MYO10: variants seen among roughly 807,000 people sequenced by gnomAD.
MYO10 encodes unconventional myosin-X.
A neutral mutation model predicts 257.3 loss-of-function variants in MYO10; 133 were observed. The observed-to-expected ratio is 0.52, with a 90% CI of 0.45 to 0.60. The LOEUF is 0.60. MYO10 is among the 20% of genes least tolerant of loss of function. The pLI is 0.00. For synonymous variants in MYO10, 1,104 were observed against 1,028.6 expected (o/e 1.07, Z -1.40); for missense variants, 2,399 against 2,635.7 (o/e 0.91, Z 1.97).
At chr5:16,760,750 A>AT (rs1308397727) in intron 17 of MYO10, among the ~76,000 whole-genome samples, 7 of 152,012 alleles carry the variant, frequency 4.6e-5, no homozygotes, top group Admixed American at 2.6e-4. Flanking sequence ...ACTGCTTAAG[A>AT]TATTAAGGTT....
Position 16,701,109 on chromosome 5 carries a change from A to T in MYO10, c.3286T>A (p.Tyr1096Asn). Residue 1096 changes from tyrosine (Y) to asparagine (N), a missense_variant, in exon 25 of 41, where the codon TAT becomes AAT. Physicochemically the swap from Tyr to Asn is moderately radical, Grantham distance 143. This residue lies in a region of MYO10 where 1,820 missense variants were observed against 1,939.4 expected (regional missense o/e 0.94). Coordinates refer to ENST00000513610, the MANE Select transcript of MYO10 (RefSeq NM_012334.3). The surrounding 1 kb of genome is among the most constrained non-coding windows in gnomAD (Gnocchi z 8.1). Reference protein sequence around the residue: ...DGDYDYDQDDYEDGAITSGSS... With the variant: ...DGDYDYDQDDNEDGAITSGSS... ...CCGGAAGTGATGGCACCGTCCTCAT[A>T]GTCATCCTGGTCGTAGTCGTAGTCG... The T allele has an allele frequency of 6.3e-7, 1 of 1,591,624 alleles. No homozygotes were observed. The highest frequency in any genetic ancestry group is 1.1e-5 in the South Asian group (1 of 87,402).
chr5:16,809,076 C>T (rs964763543), intron 3 of MYO10, among the ~76,000 whole-genome samples: 4 of 151,942 alleles, frequency 2.6e-5, no homozygotes, highest in Admixed American at 6.6e-5. Context: ...GCGGCCACTC[C>T]GGAGCATAAA....
intron 1 of MYO10, among the ~76,000 whole-genome samples, chr5:16,878,374 A>G (rs1330973956): frequency 6.6e-6 from 1 of 152,182 alleles, no homozygotes. Flanking sequence ...TACATGAGAC[A>G]CCTAATGAAC....
At chr5:16,711,892 A>G (rs1383856386) in intron 19 of MYO10, among the ~76,000 whole-genome samples, 1 of 152,210 alleles carries the variant, frequency 6.6e-6, no homozygotes, top group African/African-American at 2.4e-5. Context: ...AAAGATAACA[A>G]TAATTCCTTT....
intron 17 of MYO10, among the ~76,000 whole-genome samples, chr5:16,758,547 T>G (rs1740601886): frequency 6.6e-6 from 1 of 152,208 alleles, no homozygotes; most frequent in Admixed American, 6.5e-5. Context: ...TCTCCTCACT[T>G]GCAAAAGTGA....
chr5:16,842,406 T>C (rs113427367), intron 2 of MYO10, among the ~76,000 whole-genome samples: 8,741 of 152,148 alleles, frequency 0.057, 315 homozygotes, highest in South Asian at 0.066. Context: ...AATCAAAGCG[T>C]AGGGGCTCCA....
chr5:16,720,721 T>C (rs1050457001), intron 19 of MYO10, among the ~76,000 whole-genome samples: 1 of 152,148 alleles, frequency 6.6e-6, no homozygotes, highest in African/African-American at 2.4e-5. Flanking sequence ...GCCTCCCAAA[T>C]TGCTGGGATT....
chr5:16,724,858 A>G (rs1422320809), intron 19 of MYO10, among the ~76,000 whole-genome samples: 1 of 152,214 alleles, frequency 6.6e-6, no homozygotes, highest in Non-Finnish European at 1.5e-5. Flanking sequence ...GAGGAAGACC[A>G]TTCGTACTAG....
intron 2 of MYO10, among the ~76,000 whole-genome samples, chr5:16,828,239 C>G (rs1026849071): frequency 1.3e-5 from 2 of 152,078 alleles, no homozygotes; most frequent in Non-Finnish European, 2.9e-5. Context: ...TTGAGTTGCT[C>G]CTCTTTTAAA....
chr5:16,835,769 C>T (rs1485124024), intron 2 of MYO10, among the ~76,000 whole-genome samples: 1 of 145,702 alleles, frequency 6.9e-6, no homozygotes. Flanking sequence ...AGAAAGACCC[C>T]AAAAAAAAGT....
intron 29 of MYO10, among the ~76,000 whole-genome samples, chr5:16,684,175 C>T (rs1737136777): frequency 6.6e-6 from 1 of 152,154 alleles, no homozygotes; most frequent in East Asian, 1.9e-4. Flanking sequence ...TACCTCTTAA[C>T]CTTTCAATAA....
intron 1 of MYO10, among the ~76,000 whole-genome samples, chr5:16,919,100 G>A (rs567099407): frequency 6.6e-6 from 1 of 152,256 alleles, no homozygotes; most frequent in South Asian, 2.1e-4. Context: ...AGAACGGCCA[G>A]GAGTGATAGC....
Position 16,665,298 on chromosome 5 carries a change from C to A in MYO10, c.*1394G>T, listed in dbSNP as rs557351942. ...CTCCTCTGATAAAGGAAACACACAG[C>A]GTGTTAGCTAGTATCTTTTATTGTC... On this transcript the variant is annotated 3_prime_UTR_variant, in exon 41 of 41. Transcript: ENST00000513610. The A allele has an allele frequency of 1.3e-5, 2 of 152,060 alleles. No individual in the cohort carries two copies. The highest frequency in any genetic ancestry group is 3.9e-4 in the East Asian group (2 of 5,174). 9.4% of individuals were successfully genotyped at this position (152,060 alleles called of 1,614,324 possible).
At chr5:16,691,075 C>T (rs2126522847) in intron 27 of MYO10, among the ~76,000 whole-genome samples, 1 of 151,084 alleles carries the variant, frequency 6.6e-6, no homozygotes, top group South Asian at 2.1e-4. Context: ...CGAGACCATC[C>T]TGGCTAACAC....
At position 16,700,993 on chromosome 5, in the gene MYO10, G is replaced by A; in HGVS notation, c.3402C>T (p.Tyr1134=). The change falls in exon 25 of 41, where the codon TAC becomes TAT. Residue 1134 remains tyrosine, a synonymous_variant. Transcript: ENST00000513610. The part of the protein sequence containing the change: ...SVGTYNSSGA[Y]RFSSEGAQSS... Reference sequence around the variant, plus strand: ...ACTGCGCCCCCTCAGAGCTGAACCGGTAGGCACCCGAGCTGTTGTAGGTCC... The same window carrying A: ...ACTGCGCCCCCTCAGAGCTGAACCGATAGGCACCCGAGCTGTTGTAGGTCC... 6.4e-7 allele frequency: 1 copy of A among 1,559,514 alleles called. No individual in the cohort carries two copies.
intron 1 of MYO10, among the ~76,000 whole-genome samples, chr5:16,882,225 G>C (rs963139513): frequency 6.6e-6 from 1 of 152,120 alleles, no homozygotes; most frequent in Non-Finnish European, 1.5e-5. Flanking sequence ...GTTCACAGAG[G>C]TTCCATTTTC....
At chr5:16,707,916 A>G (rs890373285) in intron 21 of MYO10, among the ~76,000 whole-genome samples, 1 of 152,214 alleles carries the variant, frequency 6.6e-6, no homozygotes, top group Admixed American at 6.5e-5. Context: ...TGCCTTCGAC[A>G]CTGGCTAAAC....
intron 1 of MYO10, among the ~76,000 whole-genome samples, chr5:16,935,360 C>T (rs187986486): frequency 3.3e-5 from 5 of 152,286 alleles, no homozygotes; most frequent in Admixed American, 2.0e-4. Context: ...ACAGGAAGCC[C>T]GCACGTTTTG....
intron 33 of MYO10, among the ~76,000 whole-genome samples, chr5:16,676,369 G>C (rs776623316): frequency 1.3e-5 from 2 of 152,132 alleles, no homozygotes; most frequent in Non-Finnish European, 2.9e-5. Flanking sequence ...TCTCGTGCGT[G>C]TACTTCCCCA....
Sources: gnomAD v4.1 joint callset for allele counts (sites outside exome capture counted in the v4.1 genomes callset) on GRCh38, gnomAD v4.1.1 for gene constraint, gnomAD v4.1.1 regional missense constraint, Gnocchi (gnomAD v3.1) non-coding constraint, MANE v1.5 for transcripts, NCBI Gene and HGNC (gene_info 2026-07-23, HGNC 2026-07-21) for gene names.